The following RBM26 variants were observed in gnomAD, a reference collection of about 807,000 sequenced individuals.
The protein encoded by RBM26 is RNA binding motif protein 26.
In RBM26, 30 loss-of-function variants were observed where a neutral mutation model predicts 123.6. The observed-to-expected ratio is 0.24, with a 90% confidence interval of 0.18 to 0.33. The LOEUF (loss-of-function observed/expected upper bound fraction) is 0.33. RBM26 is among the 10% of genes least tolerant of loss of function. The probability of loss-of-function intolerance (pLI) is 1.00; values close to 1 mark genes in which losing one functional copy is unlikely to be tolerated. For missense variants in RBM26, 947 were observed against 1,203.6 expected, an observed-to-expected ratio of 0.79 and a Z score of 3.15; for synonymous variants, 400 against 404.4, an observed-to-expected ratio of 0.99 and a Z score of 0.13.
At chr13:79,327,706 A>G (rs183717024) in intron 20 of RBM26, among the ~76,000 whole-genome samples, 1 of 152,310 alleles carries the variant, frequency 6.6e-6, no homozygotes, top group Admixed American at 6.5e-5. Context: ...CATTTAAAAT[A>G]GCAATAAAAA....
chr13:79,322,436 T>C lies in RBM26; in HGVS notation c.2847A>G (p.Lys949=), dbSNP rs1334529779. The C allele has an allele frequency of 2.5e-6, 4 of 1,573,654 alleles. No homozygotes were observed. Among genetic ancestry groups the C allele is most frequent in the Non-Finnish European group, 3.4e-6 (4 of 1,164,756 alleles). The change falls in exon 21 of 22, where the codon AAA becomes AAG. Residue 949 remains lysine (K), a synonymous_variant. Coordinates refer to ENST00000438737, the MANE Select transcript of RBM26 (RefSeq NM_001366735.2). The part of the protein sequence containing the change: ...EAAAVHGARF[K]GQDLKLAWNK... ...TCCATGCCAGTTTTAGATCTTGCCC[T>C]TTGAAACGAGCTCCATGAACTGCAG...
In RBM26 at chr13:79,359,521, T is replaced by C; in HGVS notation, c.1529+54A>G. The C allele has an allele frequency of 3.6e-6, 3 of 830,788 alleles. No individual in the cohort carries two copies. In the South Asian group the frequency reaches 4.5e-5, roughly 13 times the overall value. 51.5% of individuals were successfully genotyped at this position (830,788 alleles called of 1,614,324 possible). A position where few individuals can be genotyped will look rare whatever the true frequency, so the allele number is the denominator to read the frequency against. ...CCATATTGTCATAATAATACAGAAA[T>C]GATCCTGAAAATCAATGCACAATTA... On this transcript the variant is annotated intron_variant, in intron 10 of 21. Coordinates refer to ENST00000438737, the MANE Select transcript of RBM26 (RefSeq NM_001366735.2).
chr13:79,347,068 T>C (rs1306520373), intron 14 of RBM26, among the ~76,000 whole-genome samples: 1 of 152,246 alleles, frequency 6.6e-6, no homozygotes, highest in Non-Finnish European at 1.5e-5. Context: ...TCAGTGAGAA[T>C]ACTCCTTTTC....
chr13:79,358,851 G>C (rs924552678), intron 10 of RBM26, among the ~76,000 whole-genome samples: 1 of 152,018 alleles, frequency 6.6e-6, no homozygotes, highest in Admixed American at 6.5e-5. Context: ...TTTGATGACA[G>C]TCTCAACCTC....
rs533302592 is a variant in RBM26 at position 79,369,001 on chromosome 13, A to G, written c.635-11T>C. 2 of 1,585,792 alleles carry G rather than the reference A, an allele frequency of 1.3e-6. No homozygotes were observed. Among genetic ancestry groups the G allele is most frequent in the African/African-American group, 2.7e-5 (2 of 73,828 alleles). ...TTACCAGATCCCTTTCTGCAACGAA[A>G]GATAAATGACATATAAAACTACACT... is the stretch of plus-strand genomic sequence containing the variant. On this transcript the variant is annotated splice_polypyrimidine_tract_variant and intron_variant, in intron 5 of 21. Coordinates refer to ENST00000438737, the MANE Select transcript of RBM26 (RefSeq NM_001366735.2).
intron 1 of RBM26, among the ~76,000 whole-genome samples, chr13:79,401,124 A>G (rs2079026427): frequency 6.6e-6 from 1 of 152,224 alleles, no homozygotes; most frequent in Admixed American, 6.5e-5. Flanking sequence ...AGGAGTAAAA[A>G]GATCATTTAG....
At chr13:79,326,592 ATAAACT>A (rs1338956275) in intron 20 of RBM26, among the ~76,000 whole-genome samples, 3 of 152,218 alleles carry the variant, frequency 2.0e-5, no homozygotes, top group South Asian at 2.1e-4. Context: ...GCCAGCAAAG[ATAAACT>A]TAAACAAATC....
chr13:79,399,885 ACTT>A (rs1292439811), intron 1 of RBM26, among the ~76,000 whole-genome samples: 1 of 152,312 alleles, frequency 6.6e-6, no homozygotes, highest in Non-Finnish European at 1.5e-5. Context: ...TCCAGAAAAC[ACTT>A]CTTTTCAGAA....
intron 9 of RBM26, among the ~76,000 whole-genome samples, chr13:79,363,004 G>C (rs984166010): frequency 3.2e-4 from 48 of 152,052 alleles, no homozygotes; most frequent in African/African-American, 1.1e-3. Flanking sequence ...TGGTTTTGTT[G>C]ACTAGAAATG....
At chr13:79,346,850 A>G (rs967626036) in intron 14 of RBM26, among the ~76,000 whole-genome samples, 5 of 152,338 alleles carry the variant, frequency 3.3e-5, no homozygotes, top group Admixed American at 6.5e-5. Flanking sequence ...ACAGAGCCTA[A>G]TTAAGTTTCA....
chr13:79,315,920 G>C (rs370880686), downstream of RBM26, among the ~76,000 whole-genome samples: 17 of 151,760 alleles, frequency 1.1e-4, no homozygotes, highest in East Asian at 7.7e-4. Context: ...TTCCCTAAAG[G>C]CCTGTATACA....
At chr13:79,332,804 A>C (rs2069650185) in intron 20 of RBM26, among the ~76,000 whole-genome samples, 1 of 152,162 alleles carries the variant, frequency 6.6e-6, no homozygotes, top group Non-Finnish European at 1.5e-5. Flanking sequence ...AAAAAGCAAG[A>C]CCCAAGAAAG....
At position 79,366,172 on chromosome 13, in the gene RBM26, A is replaced by G. The variant is rs2139873103; in HGVS notation, c.1159T>C (p.Leu387=). The G allele has an allele frequency of 6.2e-7, 1 of 1,613,688 alleles. No homozygotes were observed. The highest frequency in any genetic ancestry group is 1.1e-5 in the South Asian group (1 of 91,022). The part of the protein sequence containing the change: ...VTGPPPPLPP[L]QPSGMDAPPN... ...GGAGCATCCATGCCAGATGGCTGCA[A>G]AGGAGGAAGTGGAGGTGGTGGTCCT... Residue 387 remains leucine, a synonymous_variant, in exon 8 of 22, where the codon TTG becomes CTG. Coordinates refer to ENST00000438737, the MANE Select transcript of RBM26 (RefSeq NM_001366735.2).
intron 1 of RBM26, among the ~76,000 whole-genome samples, chr13:79,383,834 A>G (rs2077262793): frequency 6.6e-6 from 1 of 152,228 alleles, no homozygotes; most frequent in African/African-American, 2.4e-5. Context: ...TAAAACAAGT[A>G]TTATTTAAGA....
intron 9 of RBM26, among the ~76,000 whole-genome samples, chr13:79,364,381 C>T (rs1364185233): frequency 6.6e-6 from 1 of 152,100 alleles, no homozygotes; most frequent in African/African-American, 2.4e-5. Context: ...TACCAAACTC[C>T]ATTAGGCACT....
chr13:79,373,648 CTATT>C (rs200569658), intron 3 of RBM26, among the ~76,000 whole-genome samples: 60,392 of 115,350 alleles, frequency 0.52, 16,484 homozygotes, highest in Middle Eastern at 0.61. Context: ...TTTATATAGT[CTATT>C]TATATATTTA....
chr13:79,365,752 T>G (rs748497760), intron 8 of RBM26, 34 bp from the exon 9 acceptor site: 54 of 1,589,224 alleles, frequency 3.4e-5, no homozygotes, highest in Middle Eastern at 3.3e-4. Context: ...AAAAAACAAT[T>G]ATAAAACTCC....
intron 1 of RBM26, among the ~76,000 whole-genome samples, chr13:79,381,593 G>A (rs985581936): frequency 6.6e-6 from 1 of 151,850 alleles, no homozygotes; most frequent in Admixed American, 6.6e-5. Flanking sequence ...TTCTCTCAAC[G>A]AAATACCAAA....
At chr13:79,392,110 C>A (rs1327821239) in intron 1 of RBM26, among the ~76,000 whole-genome samples, 1 of 120,808 alleles carries the variant, frequency 8.3e-6, no homozygotes, top group African/African-American at 3.1e-5. Context: ...TTATACAATA[C>A]ATAATTATAT....
Sources: gnomAD v4.1 joint callset for allele counts (sites outside exome capture counted in the v4.1 genomes callset) on GRCh38, gnomAD v4.1.1 for gene constraint, MANE v1.5 for transcripts, NCBI Gene and HGNC (gene_info 2026-07-23, HGNC 2026-07-21) for gene names.